The following NAALADL2 variants were observed in gnomAD, a reference collection of about 807,000 sequenced individuals.
NAALADL2 encodes the protein inactive N-acetylated-alpha-linked acidic dipeptidase-like protein 2.
NAALADL2 carries 76 observed loss-of-function variants against 87.2 expected under a neutral mutation model. The observed-to-expected ratio is 0.87, with a 90% CI of 0.72 to 1.05. NAALADL2 has a LOEUF of 1.05. Ranked by LOEUF, NAALADL2 falls within the 50% of genes least tolerant of loss-of-function variation. The pLI is 0.00. For missense variants in NAALADL2, 1,089 were observed against 945.8 expected (o/e 1.15, Z -1.99); for synonymous variants, 354 against 331.0 (o/e 1.07, Z -0.75).
chr3:175,677,478 GGTGT>G lies in NAALADL2; in HGVS notation c.1896+50129_1896+50132del, dbSNP rs144329998. ...TGGTGGCTGATAAATAGTATAATGG[GGTGT>G]GTGTGTGTGTGTGTGTGTGTGTGTG... On this transcript the variant is annotated intron_variant, in intron 11 of 13. Transcript: ENST00000454872. 5.5e-3 allele frequency among the ~76,000 whole-genome samples: 771 copies of G among 140,170 alleles called. 1 individual carries two copies. Among genetic ancestry groups the G allele is most frequent in the East Asian group, 0.019 (91 of 4,736 alleles). 92.0% of individuals were successfully genotyped at this position (140,170 alleles called of 152,430 possible).
chr3:175,321,036 A>G (rs549777983), intron 4 of NAALADL2, among the ~76,000 whole-genome samples: 1 of 151,706 alleles, frequency 6.6e-6, no homozygotes, highest in African/African-American at 2.4e-5. Flanking sequence ...ACAACCAAAA[A>G]AGAGAATTTT....
chr3:175,696,070 G>A (rs925336211), intron 11 of NAALADL2, among the ~76,000 whole-genome samples: 3 of 152,066 alleles, frequency 2.0e-5, no homozygotes, highest in African/African-American at 7.2e-5. Context: ...TTCTAGATTG[G>A]CCATTAATTT....
At position 174,465,666 on chromosome 3, in the gene NAALADL2, AATGTT is replaced by A. The variant is rs1473399506; in HGVS notation, c.-184+24639_-184+24643del. Among the ~76,000 whole-genome samples the A allele has an allele frequency of 9.2e-5, 14 of 152,314 alleles. No homozygotes were observed. The South Asian group carries it at 2.9e-3, about 32-fold the overall frequency. ...ATAGTTTTTCTTTTAATACTTTTGT[AATGTT>A]ATGTCCATTTTCTGAGCATAGAAAA... On this transcript the variant is annotated intron_variant, in intron 1 of 3. Transcript: ENST00000434257.
chr3:175,486,826 CT>C (rs1486723352), intron 9 of NAALADL2, among the ~76,000 whole-genome samples: 1 of 152,136 alleles, frequency 6.6e-6, no homozygotes, highest in African/African-American at 2.4e-5. Flanking sequence ...TCACTCCTCT[CT>C]TTATCTCATA....
At chr3:175,685,449 GGTGTGTGTGTGTGTGT>G (rs59449046) in intron 11 of NAALADL2, among the ~76,000 whole-genome samples, 21 of 144,692 alleles carry the variant, frequency 1.5e-4, no homozygotes, top group African/African-American at 3.3e-4. Context: ...ACCAACAGGA[GGTGTGTGTGTGTGTGT>G]GTGTGTGTGT....
intron 2 of NAALADL2, among the ~76,000 whole-genome samples, chr3:175,149,537 C>G (rs1422661762): frequency 3.3e-5 from 5 of 151,776 alleles, no homozygotes; most frequent in African/African-American, 1.2e-4. Context: ...ATGTCTTTTT[C>G]TAAGAAATAA....
chr3:175,405,269 A>G (rs1244925934), intron 5 of NAALADL2, among the ~76,000 whole-genome samples: 1 of 152,144 alleles, frequency 6.6e-6, no homozygotes, highest in Non-Finnish European at 1.5e-5. Flanking sequence ...TATTTTTATA[A>G]GACCCTCTTA....
intron 5 of NAALADL2, among the ~76,000 whole-genome samples, chr3:175,445,452 A>C (rs1720534861): frequency 6.6e-6 from 1 of 151,966 alleles, no homozygotes; most frequent in Non-Finnish European, 1.5e-5. Flanking sequence ...AATTGTTTTT[A>C]ACATCTTTAG....
chr3:174,799,931 C>A (rs1377287103), intron 3 of NAALADL2, among the ~76,000 whole-genome samples: 1 of 152,162 alleles, frequency 6.6e-6, no homozygotes, highest in African/African-American at 2.4e-5. Context: ...AGCAAAGAGA[C>A]TAGTGGCATT....
chr3:174,786,419 C>G (rs1716654246), intron 3 of NAALADL2, among the ~76,000 whole-genome samples: 1 of 146,478 alleles, frequency 6.8e-6, no homozygotes, highest in Admixed American at 7.0e-5. Flanking sequence ...CCACTGCACT[C>G]CAGCCTGGGT....
chr3:175,135,687 C>A (rs891761912), intron 2 of NAALADL2, among the ~76,000 whole-genome samples: 1 of 152,076 alleles, frequency 6.6e-6, no homozygotes, highest in Non-Finnish European at 1.5e-5. Context: ...CAGAACAGAG[C>A]AGGTGATCCT....
chr3:175,288,641 C>G (rs1286450086), intron 4 of NAALADL2, among the ~76,000 whole-genome samples: 1 of 151,630 alleles, frequency 6.6e-6, no homozygotes, highest in Non-Finnish European at 1.5e-5. Context: ...GTTTCTCAGC[C>G]AACATACCTC....
At chr3:174,642,767 TA>T (rs1560112445) in intron 2 of NAALADL2, among the ~76,000 whole-genome samples, 671 of 38,516 alleles carry the variant, frequency 0.017, 19 homozygotes, top group African/African-American at 0.08. Context: ...TATATATATA[TA>T]TATATATATA....
At chr3:174,933,151 C>T (rs555183188) in intron 1 of NAALADL2, among the ~76,000 whole-genome samples, 37 of 152,196 alleles carry the variant, frequency 2.4e-4, no homozygotes, top group African/African-American at 5.8e-4. Flanking sequence ...AGACTATCTG[C>T]CTGTTGACTC....
chr3:174,944,718 G>A (rs1176442854), intron 1 of NAALADL2, among the ~76,000 whole-genome samples: 1 of 152,184 alleles, frequency 6.6e-6, no homozygotes, highest in East Asian at 1.9e-4. Flanking sequence ...ACATAGCTCT[G>A]TGTGTCAGAC....
chr3:174,504,611 C>T (rs1354870201), intron 1 of NAALADL2, among the ~76,000 whole-genome samples: 2 of 152,190 alleles, frequency 1.3e-5, no homozygotes, highest in African/African-American at 4.8e-5. Context: ...CTCTCTCTTA[C>T]TTAAAGGAAT....
chr3:175,538,714 C>A (rs1221914621), intron 9 of NAALADL2, among the ~76,000 whole-genome samples: 1 of 151,986 alleles, frequency 6.6e-6, no homozygotes, highest in Non-Finnish European at 1.5e-5. Context: ...AAATTTTTAA[C>A]TTTTTAACTC....
At chr3:175,628,535 C>A (rs1727308218) in intron 11 of NAALADL2, among the ~76,000 whole-genome samples, 1 of 149,630 alleles carries the variant, frequency 6.7e-6, no homozygotes, top group South Asian at 2.1e-4. Flanking sequence ...ATTTATTTAA[C>A]CTGTCATCAC....
chr3:175,121,565 A>C (rs769759675), intron 2 of NAALADL2, among the ~76,000 whole-genome samples: 1 of 151,862 alleles, frequency 6.6e-6, no homozygotes, highest in Non-Finnish European at 1.5e-5. Context: ...AACTGGAAAT[A>C]ATTGTTGCTC....
Sources: allele counts gnomAD v4.1 joint callset (sites outside exome capture counted in the v4.1 genomes callset), GRCh38; gene constraint gnomAD v4.1.1; transcripts MANE v1.5; gene names NCBI Gene and HGNC (gene_info 2026-07-23, HGNC 2026-07-21).